Variants in NDC1 observed in about 807,000 individuals in gnomAD.
The protein encoded by NDC1 is nucleoporin NDC1.
Under a neutral mutation model 89.8 loss-of-function variants are expected in NDC1, and 24 were observed. The observed-to-expected ratio is 0.27, with a 90% CI of 0.19 to 0.38. The LOEUF (loss-of-function observed/expected upper bound fraction) is 0.38. Among genes scored for constraint, NDC1 ranks in the 10% least tolerant of loss-of-function variants. The pLI, the probability that NDC1 is intolerant of heterozygous loss-of-function variation, is 1.00. For synonymous variants in NDC1, 296 were observed against 284.8 expected (o/e 1.04, Z -0.39); for missense variants, 728 against 797.6 (o/e 0.91, Z 1.05).
intron 17 of NDC1, among the ~76,000 whole-genome samples, chr1:53,768,249 CCAAA>C (rs576275842): frequency 1.8e-4 from 27 of 152,172 alleles, no homozygotes; most frequent in Non-Finnish European, 3.1e-4. Context: ...TTCTAAAAGA[CCAAA>C]CAAATTAAGA....
At chr1:53,768,080 C>T in intron 17 of NDC1, 47 bp from the exon 18 acceptor site, 1 of 1,317,992 alleles carries the variant, frequency 7.6e-7, no homozygotes, top group Non-Finnish European at 1.1e-6. Context: ...TTACATTAAG[C>T]ATATTAAGTG....
At chr1:53,831,650 C>T (rs1404999719) in intron 3 of NDC1, among the ~76,000 whole-genome samples, 2 of 150,582 alleles carry the variant, frequency 1.3e-5, no homozygotes, top group African/African-American at 2.4e-5. Context: ...TCTAGCCTGG[C>T]GACAGAGCGA....
intron 3 of NDC1, among the ~76,000 whole-genome samples, chr1:53,829,259 T>C (rs554803669): frequency 6.6e-6 from 1 of 152,284 alleles, no homozygotes; most frequent in East Asian, 1.9e-4. Flanking sequence ...CTTTATACTT[T>C]GAGGAAGAGG....
intron 14 of NDC1, 79 bp downstream of exon 14, chr1:53,793,150 G>A (rs1056960098): frequency 1.6e-6 from 2 of 1,242,608 alleles, no homozygotes; most frequent in Non-Finnish European, 2.4e-6. Context: ...ATATTTACAA[G>A]TCAGATCCTA....
intron 6 of NDC1, among the ~76,000 whole-genome samples, chr1:53,813,348 G>A (rs960305343): frequency 2.6e-5 from 4 of 152,106 alleles, no homozygotes; most frequent in African/African-American, 9.7e-5. Flanking sequence ...GAATGGATAA[G>A]AACTCACCAA....
chr1:53,789,913 G>A (rs1004428584), intron 14 of NDC1, among the ~76,000 whole-genome samples: 2 of 152,098 alleles, frequency 1.3e-5, no homozygotes, highest in African/African-American at 4.8e-5. Context: ...AGACCAGCCT[G>A]GCCAACATGC....
intron 3 of NDC1, 124 bp from the exon 4 acceptor site, chr1:53,828,297 AAATAC>A: frequency 1.2e-6 from 1 of 826,714 alleles, no homozygotes; most frequent in Middle Eastern, 2.6e-4. Flanking sequence ...CAGTCAACGC[AAATAC>A]AATACAGAAA....
chr1:53,789,022 T>C (rs890847281), intron 15 of NDC1, 111 bp downstream of exon 15: 7 of 691,996 alleles, frequency 1.0e-5, no homozygotes, highest in Non-Finnish European at 1.7e-5. Flanking sequence ...TAAAAACGAA[T>C]CTGTACATTC....
chr1:53,831,919 GA>G (rs973983806), intron 3 of NDC1, among the ~76,000 whole-genome samples: 3 of 149,290 alleles, frequency 2.0e-5, no homozygotes, highest in Non-Finnish European at 3.0e-5. Context: ...TATTATATTT[GA>G]AAAAAAAACT....
intron 16 of NDC1, among the ~76,000 whole-genome samples, chr1:53,774,687 T>C (rs1393576627): frequency 1.3e-5 from 2 of 152,024 alleles, no homozygotes; most frequent in Admixed American, 1.3e-4. Context: ...CCAGGAGTTC[T>C]AGACCAGCCT....
In NDC1 at chr1:53,831,431, C is replaced by G. The variant is rs372272168; in HGVS notation, c.280+1059G>C. 4.0e-5 allele frequency among the ~76,000 whole-genome samples: 6 copies of G among 151,746 alleles called. No individual in the cohort carries two copies. In the South Asian group the frequency reaches 1.3e-3, roughly 32 times the overall value. ...CAGTGGCTCACGCCTGTAATCCCAG[C>G]ACTTGGGAGGCCGAGGGCAGATCAC... On this transcript the variant is annotated intron_variant, in intron 3 of 17. Transcript: ENST00000371429.
chr1:53,812,077 A>T (rs186965740), intron 6 of NDC1, among the ~76,000 whole-genome samples: 104 of 152,268 alleles, frequency 6.8e-4, no homozygotes, highest in African/African-American at 2.5e-3. Flanking sequence ...GCATCAAAGG[A>T]ACACCTCGTG....
intron 17 of NDC1, 146 bp from the exon 18 acceptor site, chr1:53,768,179 A>C: frequency 3.7e-6 from 2 of 543,294 alleles, no homozygotes; most frequent in Non-Finnish European, 6.2e-6. Flanking sequence ...AAGCTGGATG[A>C]AAACTCTTTT....
chr1:53,780,664 A>G (rs1365250031), intron 16 of NDC1, among the ~76,000 whole-genome samples: 1 of 152,164 alleles, frequency 6.6e-6, no homozygotes, highest in Non-Finnish European at 1.5e-5. Context: ...TTAGGATGAC[A>G]TTGGCCTTTC....
At chr1:53,817,122 C>T (rs757770324) in intron 6 of NDC1, among the ~76,000 whole-genome samples, 5 of 152,106 alleles carry the variant, frequency 3.3e-5, no homozygotes, top group South Asian at 2.1e-4. Flanking sequence ...CATTTGATCC[C>T]GCAATCCCAC....
At chr1:53,815,902 G>A (rs1418924801) in intron 6 of NDC1, among the ~76,000 whole-genome samples, 11 of 152,014 alleles carry the variant, frequency 7.2e-5, no homozygotes, top group African/African-American at 2.4e-4. Flanking sequence ...CCAAGGAGTC[G>A]AAAGATCTCT....
chr1:53,768,311 C>T (rs1216831458), intron 17 of NDC1, among the ~76,000 whole-genome samples: 4 of 152,204 alleles, frequency 2.6e-5, no homozygotes, highest in African/African-American at 9.6e-5. Flanking sequence ...ATGGAACCTG[C>T]TGTGCGGAGT....
chr1:53,785,539 TAA>T (rs2100635619), intron 16 of NDC1, among the ~76,000 whole-genome samples: 1 of 152,314 alleles, frequency 6.6e-6, no homozygotes, highest in African/African-American at 2.4e-5. Flanking sequence ...AATTGAGTGT[TAA>T]AGAAAGAAAT....
intron 16 of NDC1, among the ~76,000 whole-genome samples, chr1:53,773,104 A>T (rs562635447): frequency 3.3e-5 from 5 of 152,156 alleles, no homozygotes; most frequent in Non-Finnish European, 7.4e-5. Flanking sequence ...GCAAAAAAAA[A>T]AAAAAAGACC....
Sources: allele counts gnomAD v4.1 joint callset (sites outside exome capture counted in the v4.1 genomes callset), GRCh38; gene constraint gnomAD v4.1.1; transcripts MANE v1.5; gene names NCBI Gene and HGNC (gene_info 2026-07-23, HGNC 2026-07-21).